The following PRKN variants were observed in gnomAD, a reference collection of about 807,000 sequenced individuals.
The protein encoded by PRKN is E3 ubiquitin-protein ligase parkin.
A neutral mutation model predicts 59.5 loss-of-function variants in PRKN; 56 were observed. That is an observed-to-expected ratio of 0.94 (90% CI 0.76 to 1.18). The LOEUF is 1.18. PRKN is among the 50% of genes most tolerant of loss of function. PRKN has a pLI of 0.00. For missense variants in PRKN, 657 were observed against 596.4 expected (o/e 1.10, Z -1.06); for synonymous variants, 250 against 222.1 (o/e 1.13, Z -1.12).
chr6:162,324,300 G>A lies in PRKN; in HGVS notation c.172-61535C>T, dbSNP rs116548326. ...GCTGGGAAAGAGTGGGGAAGGTGCC[G>A]CAAAGCAGCACAGAGAACTTCTTGG... On this transcript the variant is annotated intron_variant, in intron 2 of 11. Coordinates refer to ENST00000366898, the MANE Select transcript of PRKN (RefSeq NM_004562.3). 6.0e-3 allele frequency among the ~76,000 whole-genome samples: 920 copies of A among 152,152 alleles called. 2 individuals carry two copies. Among genetic ancestry groups the A allele is most frequent in the African/African-American group, 0.017 (690 of 41,504 alleles).
At chr6:162,388,162 G>A (rs541388498) in intron 2 of PRKN, among the ~76,000 whole-genome samples, 1 of 152,216 alleles carries the variant, frequency 6.6e-6, no homozygotes, top group Non-Finnish European at 1.5e-5. Context: ...GGACTGCAGT[G>A]GCAATGGACC....
chr6:162,514,033 G>A (rs549380417), intron 1 of PRKN, among the ~76,000 whole-genome samples: 231 of 151,690 alleles, frequency 1.5e-3, no homozygotes, highest in African/African-American at 5.0e-3. Flanking sequence ...GCGACACAGC[G>A]AGACTCCATC....
chr6:161,409,243 C>T lies in PRKN; in HGVS notation c.1084-22366G>A, dbSNP rs983204746. On this transcript the variant is annotated intron_variant, in intron 9 of 11. Transcript: ENST00000366898. The surrounding 1 kb of genome is among the most constrained non-coding windows in gnomAD (Gnocchi z 4.6). ...ACAGGTGTGAGCCACCACCCCCGGC[C>T]AGGAGAACACATTTTTAAACTCTGT... Among the ~76,000 whole-genome samples, 1 of 152,158 alleles carries T rather than the reference C, an allele frequency of 6.6e-6. No individual in the cohort carries two copies. Among genetic ancestry groups the T allele is most frequent in the Admixed American group, 6.5e-5 (1 of 15,272 alleles).
intron 4 of PRKN, among the ~76,000 whole-genome samples, chr6:162,123,444 G>A (rs547010349): frequency 3.7e-4 from 56 of 152,222 alleles, no homozygotes; most frequent in Admixed American, 2.6e-3. Context: ...GTAAATATAG[G>A]TATGTATATG....
In PRKN at chr6:161,588,355, G is replaced by A. The variant is rs1005644355; in HGVS notation, c.872-18939C>T. Among the ~76,000 whole-genome samples the A allele has an allele frequency of 6.7e-6, 1 of 149,638 alleles. No individual in the cohort carries two copies. The highest frequency in any genetic ancestry group is 1.5e-5 in the Non-Finnish European group (1 of 67,784). On this transcript the variant is annotated intron_variant, in intron 7 of 11. Transcript: ENST00000366898. The surrounding 1 kb of genome is among the most constrained non-coding windows in gnomAD (Gnocchi z 5.0). ...AAGAGGCGCCACTGCATTCCAGCCTGGGCAACAAGAGCGAAACTCTGTCCC... is the reference window on the plus strand; with the variant it reads ...AAGAGGCGCCACTGCATTCCAGCCTAGGCAACAAGAGCGAAACTCTGTCCC...
intron 1 of PRKN, among the ~76,000 whole-genome samples, chr6:162,499,702 G>A (rs1793273944): frequency 6.6e-6 from 1 of 152,136 alleles, no homozygotes; most frequent in East Asian, 1.9e-4. Context: ...TAGCTCTGTG[G>A]CTACCTGACA....
chr6:162,252,629 A>G (rs554693310), intron 3 of PRKN, among the ~76,000 whole-genome samples: 1 of 152,326 alleles, frequency 6.6e-6, no homozygotes, highest in Admixed American at 6.5e-5. Flanking sequence ...TGCTCCCTCC[A>G]CCATGAGAGG....
chr6:161,710,306 G>A (rs80311483), intron 7 of PRKN, among the ~76,000 whole-genome samples: 4,605 of 152,236 alleles, frequency 0.03, 68 homozygotes, highest in African/African-American at 0.036. Flanking sequence ...ATGGTGTAAT[G>A]CTTTCAGCAC....
chr6:162,523,775 G>A (rs897520840), intron 1 of PRKN, among the ~76,000 whole-genome samples: 6 of 152,082 alleles, frequency 3.9e-5, no homozygotes, highest in Non-Finnish European at 2.9e-5. Flanking sequence ...CCAGCACTTC[G>A]GGAGGCTGAG....
At chr6:162,220,050 G>A (rs1777863853) in intron 3 of PRKN, among the ~76,000 whole-genome samples, 1 of 152,050 alleles carries the variant, frequency 6.6e-6, no homozygotes. Context: ...ATGGTGCTGG[G>A]ATAACAGGCT....
chr6:161,769,779 A>G (rs1789587380), intron 7 of PRKN, among the ~76,000 whole-genome samples: 1 of 152,164 alleles, frequency 6.6e-6, no homozygotes, highest in Admixed American at 6.5e-5. Context: ...GACCAGGCCC[A>G]GTGGGATAAT....
At chr6:161,769,384 G>A (rs1215903037) in intron 7 of PRKN, among the ~76,000 whole-genome samples, 2 of 152,138 alleles carry the variant, frequency 1.3e-5, no homozygotes, top group Non-Finnish European at 2.9e-5. Context: ...ACATCCAGTT[G>A]AGTGGGCTGG....
intron 4 of PRKN, among the ~76,000 whole-genome samples, chr6:162,185,964 C>G (rs539313640): frequency 1.3e-5 from 2 of 151,972 alleles, no homozygotes; most frequent in Admixed American, 1.3e-4. Flanking sequence ...AGGAGAAAAT[C>G]TTTAGATTTT....
At chr6:162,219,999 T>C (rs1225528084) in intron 3 of PRKN, among the ~76,000 whole-genome samples, 3 of 152,114 alleles carry the variant, frequency 2.0e-5, no homozygotes, top group Non-Finnish European at 4.4e-5. Flanking sequence ...TATATTAAAA[T>C]TGTTTCATCA....
intron 6 of PRKN, among the ~76,000 whole-genome samples, chr6:161,943,198 T>C (rs919528674): frequency 3.3e-5 from 5 of 152,218 alleles, no homozygotes; most frequent in Non-Finnish European, 2.9e-5. Context: ...TATAGACATA[T>C]TACAATTCTC....
chr6:162,634,712 C>A (rs913355622), intron 1 of PRKN, among the ~76,000 whole-genome samples: 1 of 152,200 alleles, frequency 6.6e-6, no homozygotes, highest in Non-Finnish European at 1.5e-5. Context: ...CAACCTCCGC[C>A]TCCCAGGTTC....
chr6:162,317,758 T>C (rs2128120367), intron 2 of PRKN, among the ~76,000 whole-genome samples: 1 of 152,104 alleles, frequency 6.6e-6, no homozygotes, highest in Admixed American at 6.5e-5. Context: ...ATGGTCGAGA[T>C]ACATCCCATT....
At chr6:161,694,731 G>C (rs1478187990) in intron 7 of PRKN, among the ~76,000 whole-genome samples, 1 of 152,112 alleles carries the variant, frequency 6.6e-6, no homozygotes, top group Non-Finnish European at 1.5e-5. Flanking sequence ...TTTTCACCTG[G>C]ACCGTATGGG....
chr6:161,912,177 A>T (rs890967294), intron 6 of PRKN, among the ~76,000 whole-genome samples: 3 of 92,270 alleles, frequency 3.3e-5, no homozygotes, highest in Non-Finnish European at 6.1e-5. Flanking sequence ...AATCTGTCCT[A>T]AAAAAAAAAA....
Sources: allele counts gnomAD v4.1 joint callset (sites outside exome capture counted in the v4.1 genomes callset), GRCh38; gene constraint gnomAD v4.1.1; non-coding constraint Gnocchi (gnomAD v3.1); transcripts MANE v1.5; gene names NCBI Gene and HGNC (gene_info 2026-07-23, HGNC 2026-07-21).